MALRD1: variants seen among roughly 807,000 people sequenced by gnomAD.
MALRD1 encodes MAM and LDL receptor class A domain containing 1.
A neutral mutation model predicts 242.1 loss-of-function variants in MALRD1; 247 were observed. The observed-to-expected ratio is 1.02, with a 90% confidence interval of 0.92 to 1.13. The LOEUF (loss-of-function observed/expected upper bound fraction) is 1.13, where lower values mean the gene tolerates loss of function less well. MALRD1 is among the 50% of genes most tolerant of loss of function. The pLI is 0.00. For missense variants in MALRD1, 2,989 were observed against 2,533.1 expected (o/e 1.18, Z -3.86); for synonymous variants, 995 against 866.6 (o/e 1.15, Z -2.60).
At chr10:19,584,959 G>T (rs903672253) in intron 33 of MALRD1, among the ~76,000 whole-genome samples, 1 of 152,012 alleles carries the variant, frequency 6.6e-6, no homozygotes, top group Non-Finnish European at 1.5e-5. Flanking sequence ...TTGTTGAATT[G>T]ATCCCTTTAC....
At chr10:19,589,587 A>G (rs1161097964) in intron 33 of MALRD1, among the ~76,000 whole-genome samples, 2 of 152,232 alleles carry the variant, frequency 1.3e-5, no homozygotes, top group African/African-American at 4.8e-5. Flanking sequence ...TTAGGTCTGT[A>G]TAATACCCCT....
At chr10:19,684,511 T>C (rs148746437) in intron 36 of MALRD1, among the ~76,000 whole-genome samples, 1 of 152,118 alleles carries the variant, frequency 6.6e-6, no homozygotes, top group Non-Finnish European at 1.5e-5. Flanking sequence ...ATTCCAGCAC[T>C]TGGGGAGGCT....
Position 19,107,453 on chromosome 10 carries a change from T to C in MALRD1, c.694+3378T>C, listed in dbSNP as rs1480175742. ...CTGATATAGTTATAGCTACTGCTGG[T>C]CTCTTTTGGTTTCTATTTGCATGAA... On this transcript the variant is annotated intron_variant, in intron 5 of 39. Transcript: ENST00000454679. 3.3e-5 allele frequency among the ~76,000 whole-genome samples: 5 copies of C among 151,954 alleles called. 1 individual carries two copies. The South Asian group carries it at 8.3e-4, about 25-fold the overall frequency.
chr10:19,175,953 A>G (rs12359056), intron 14 of MALRD1, among the ~76,000 whole-genome samples: 11,078 of 152,140 alleles, frequency 0.073, 516 homozygotes, highest in Non-Finnish European at 0.11. Flanking sequence ...AAACCTAATC[A>G]TTATTTAGAT....
intron 26 of MALRD1, among the ~76,000 whole-genome samples, chr10:19,372,886 T>G (rs1260280448): frequency 6.6e-6 from 1 of 152,130 alleles, no homozygotes; most frequent in Non-Finnish European, 1.5e-5. Flanking sequence ...GTGTAGTTTT[T>G]AAAAGCTCAG....
chr10:19,415,746 A>G (rs1251683028), intron 28 of MALRD1, among the ~76,000 whole-genome samples: 1 of 152,196 alleles, frequency 6.6e-6, no homozygotes, highest in South Asian at 2.1e-4. Context: ...TCAAAGAGAG[A>G]CAATACCAAA....
chr10:19,221,988 C>T (rs1021929074), intron 18 of MALRD1, among the ~76,000 whole-genome samples: 3 of 151,956 alleles, frequency 2.0e-5, no homozygotes, highest in African/African-American at 4.8e-5. Context: ...AGAAAAATAC[C>T]GAGTGTGAAC....
rs1480603609 is a variant in MALRD1, at chr10:19,692,589, C to A, written c.6314+35C>A. 9 of 1,468,984 alleles carry A rather than the reference C, an allele frequency of 6.1e-6. No homozygotes were observed. In the East Asian group the frequency reaches 2.0e-4, roughly 32 times the overall value. 91.0% of individuals were successfully genotyped at this position (1,468,984 alleles called of 1,614,324 possible). A position where few individuals can be genotyped will look rare whatever the true frequency, so the allele number is the denominator to read the frequency against. On this transcript the variant is annotated intron_variant, in intron 38 of 39. Coordinates refer to ENST00000454679, the MANE Select transcript of MALRD1 (RefSeq NM_001142308.3). ...GCCTTTAGTTGCTAAATGAAATATA[C>A]CGTAGCAGAAAAATTTTCTTCAACA... is the stretch of plus-strand genomic sequence containing the variant.
intron 1 of MALRD1, among the ~76,000 whole-genome samples, chr10:19,057,767 T>G (rs907821989): frequency 6.6e-6 from 1 of 152,108 alleles, no homozygotes; most frequent in African/African-American, 2.4e-5. Flanking sequence ...TGGAATCTGA[T>G]AAAGTGTCTT....
intron 28 of MALRD1, among the ~76,000 whole-genome samples, chr10:19,421,812 C>T (rs1055028059): frequency 6.6e-6 from 1 of 152,062 alleles, no homozygotes; most frequent in African/African-American, 2.4e-5. Context: ...TTTCCCCTGG[C>T]CAGTAAAGGG....
At chr10:19,460,801 A>G (rs182858501) in intron 29 of MALRD1, among the ~76,000 whole-genome samples, 1 of 152,290 alleles carries the variant, frequency 6.6e-6, no homozygotes, top group East Asian at 1.9e-4. Flanking sequence ...CAGGAGAACT[A>G]GGCAATAAAG....
chr10:19,079,497 G>C (rs1179154049), intron 2 of MALRD1, among the ~76,000 whole-genome samples: 1 of 151,820 alleles, frequency 6.6e-6, no homozygotes, highest in Non-Finnish European at 1.5e-5. Context: ...GTTAGGTCTA[G>C]TTGGTTTATA....
chr10:19,499,958 A>G (rs967959553), intron 31 of MALRD1, among the ~76,000 whole-genome samples: 1 of 152,076 alleles, frequency 6.6e-6, no homozygotes, highest in Admixed American at 6.5e-5. Flanking sequence ...TTAGGAATGA[A>G]CCCTACTGGA....
chr10:19,217,657 C>A (rs2131652938), intron 18 of MALRD1, among the ~76,000 whole-genome samples: 1 of 151,810 alleles, frequency 6.6e-6, no homozygotes, highest in African/African-American at 2.4e-5. Flanking sequence ...CTCAGCCTCC[C>A]AAGTAACTAC....
chr10:19,237,956 T>A lies in MALRD1; in HGVS notation c.2992-19728T>A, dbSNP rs1424377393. Among the ~76,000 whole-genome samples the A allele has an allele frequency of 5.2e-3, 194 of 37,076 alleles. 1 individual carries two copies. The highest frequency in any genetic ancestry group is 7.3e-3 in the Non-Finnish European group (145 of 20,000). The allele number at this position is 37,076 out of a possible 152,430, so 24.3% of individuals were successfully genotyped here. On this transcript the variant is annotated intron_variant, in intron 18 of 39. Coordinates refer to ENST00000454679, the MANE Select transcript of MALRD1 (RefSeq NM_001142308.3). ...ATTTTATACAGTTATATAAATTATA[T>A]GTAATTTTATACAGTTATATATAAT...
At chr10:19,132,014 T>C (rs1055540413) in intron 8 of MALRD1, among the ~76,000 whole-genome samples, 3 of 152,162 alleles carry the variant, frequency 2.0e-5, no homozygotes, top group African/African-American at 7.2e-5. Flanking sequence ...GGAAAATGTA[T>C]AGAAAAATCT....
chr10:19,641,758 G>A (rs2131679425), intron 36 of MALRD1, among the ~76,000 whole-genome samples: 1 of 152,138 alleles, frequency 6.6e-6, no homozygotes, highest in East Asian at 1.9e-4. Flanking sequence ...TTCATGGCTG[G>A]TACAAGCAGC....
intron 36 of MALRD1, among the ~76,000 whole-genome samples, chr10:19,657,150 T>C (rs1841196928): frequency 6.6e-6 from 1 of 152,184 alleles, no homozygotes; most frequent in South Asian, 2.1e-4. Flanking sequence ...TGTGGTGCAC[T>C]GGCAAAGGTG....
chr10:19,276,089 C>T (rs541682575), intron 19 of MALRD1, among the ~76,000 whole-genome samples: 6 of 152,236 alleles, frequency 3.9e-5, no homozygotes, highest in Non-Finnish European at 7.4e-5. Flanking sequence ...GAATTAAAAT[C>T]TTTGTCTTAA....
Sources: allele counts gnomAD v4.1 joint callset (sites outside exome capture counted in the v4.1 genomes callset), GRCh38; gene constraint gnomAD v4.1.1; transcripts MANE v1.5; gene names NCBI Gene and HGNC (gene_info 2026-07-23, HGNC 2026-07-21).